DQX1: variants seen among roughly 807,000 people sequenced by gnomAD.
DQX1 encodes DEAQ-box RNA dependent ATPase 1, also known as ATP-dependent RNA helicase homolog DQX1.
DQX1 carries 66 observed loss-of-function variants against 81.3 expected under a neutral mutation model. That is an observed-to-expected ratio of 0.81 (90% confidence interval 0.67 to 1.00). The LOEUF (loss-of-function observed/expected upper bound fraction) is 1.00. DQX1 is among the 50% of genes least tolerant of loss of function. The pLI is 0.00. For missense variants in DQX1, 798 were observed against 867.9 expected, an observed-to-expected ratio of 0.92 and a Z score of 1.01; for synonymous variants, 290 against 350.0, an observed-to-expected ratio of 0.83 and a Z score of 1.91.
In DQX1 at chr2:74,522,577, T is replaced by C; in HGVS notation, c.1495+3A>G. ...GCTATGGATTTACAGCAGCGATTTA[T>C]ACCTGTGAGCATGGCAGCCAGGGTG... is the stretch of plus-strand genomic sequence containing the variant. On this transcript the variant is annotated splice_donor_region_variant and intron_variant, in intron 8 of 11. Transcript: ENST00000404568. 1 of 1,612,250 alleles carries C rather than the reference T, an allele frequency of 6.2e-7. No homozygotes were observed. The highest frequency in any genetic ancestry group is 8.5e-7 in the Non-Finnish European group (1 of 1,179,044).
rs1675143833 is a variant in DQX1, at chr2:74,525,288, C to T, written c.238-86G>A. ...CTCAGGGAACTATGGCCACTTTAAT[C>T]TTTCCTTATTTGGGGAGTCCCCTGG... On this transcript the variant is annotated intron_variant, in intron 2 of 11. Transcript: ENST00000404568. This position sits in a 1 kb window ranked among gnomAD's most constrained non-coding sequence, Gnocchi z 4.1. 1.4e-6 allele frequency: 2 copies of T among 1,403,242 alleles called. No homozygotes were observed. Among genetic ancestry groups the T allele is most frequent in the East Asian group, 2.5e-5 (1 of 39,780 alleles). 86.9% of individuals were successfully genotyped at this position (1,403,242 alleles called of 1,614,324 possible).
chr2:74,521,623 C>T (rs1404277261), intron 8 of DQX1, among the ~76,000 whole-genome samples: 1 of 150,770 alleles, frequency 6.6e-6, no homozygotes, highest in African/African-American at 2.4e-5. Flanking sequence ...GCACTCCAGC[C>T]TGGGTGACAG....
intron 10 of DQX1, 86 bp downstream of exon 10, chr2:74,519,470 A>G: frequency 6.6e-7 from 1 of 1,525,216 alleles, no homozygotes; most frequent in East Asian, 2.3e-5. Flanking sequence ...GGCCACCTGG[A>G]CCCTGATTTC....
In DQX1 at chr2:74,519,324, A is replaced by T. The variant is rs115009393; in HGVS notation, c.1807-94T>A. 335 of 1,396,516 alleles carry T rather than the reference A, an allele frequency of 2.4e-4. 3 individuals are homozygous for T. The African/African-American group carries it at 4.4e-3, about 19-fold the overall frequency. The allele number at this position is 1,396,516 out of a possible 1,614,324, so 86.5% of individuals were successfully genotyped here. On this transcript the variant is annotated intron_variant, in intron 10 of 11. Coordinates refer to ENST00000404568, the MANE Select transcript of DQX1 (RefSeq NM_133637.3). ...AGGGGATTGAGAAAGAGTAAGGGTGATGAGAGCATGAAAAGTAAAGCATTA... is the reference window on the plus strand; with the variant it reads ...AGGGGATTGAGAAAGAGTAAGGGTGTTGAGAGCATGAAAAGTAAAGCATTA...
rs1239191842 is a variant in DQX1 at position 74,524,297 on chromosome 2, C to A, written c.442G>T (p.Asp148Tyr). 1 of 1,610,680 alleles carries A rather than the reference C, an allele frequency of 6.2e-7. No homozygotes were observed. Among genetic ancestry groups the A allele is most frequent in the Non-Finnish European group, 8.5e-7 (1 of 1,179,040 alleles). ...GCCACCTCCTGCAGAAGCAGCCTGT[C>A]CCAGCAGAACCTGTTGACATTGGTA... is the stretch of plus-strand genomic sequence containing the variant. Reference protein sequence around the residue: ...GPNTLLRFCWDRLLLQEVAST... With the variant: ...GPNTLLRFCWYRLLLQEVAST... The change falls in exon 4 of 12, where the codon GAC becomes TAC. Residue 148 changes from aspartate to tyrosine, a missense_variant. Coordinates refer to ENST00000404568, the MANE Select transcript of DQX1 (RefSeq NM_133637.3).
At chr2:74,518,993 C>A in intron 11 of DQX1, 47 bp downstream of exon 11, 2 of 1,483,198 alleles carry the variant, frequency 1.3e-6, no homozygotes, top group Non-Finnish European at 1.8e-6. Context: ...TAATTTTGGC[C>A]CCAGGGAGAG....
Position 74,524,060 on chromosome 2 carries a change from C to T in DQX1, c.679G>A (p.Glu227Lys). The change falls in exon 4 of 12, where the codon GAG becomes AAG. Residue 227 changes from glutamate to lysine, a missense_variant. Physicochemically the swap from Glu to Lys is moderately conservative, Grantham distance 56. Transcript: ENST00000404568. The stretch of plus-strand genomic sequence containing the variant: ...ATGGGGGAAGGTCTCTCACCAGGCT[C>T]TCTGGGTATATGCACAATAGGAGGA... ...GNPPIVHIPR[E>K]PGERPSPIYW... 1.2e-6 allele frequency: 2 copies of T among 1,614,200 alleles called. No individual in the cohort carries two copies. The highest frequency in any genetic ancestry group is 1.7e-6 in the Non-Finnish European group (2 of 1,180,032).
intron 4 of DQX1, 131 bp downstream of exon 4, chr2:74,523,792 T>C: frequency 2.2e-6 from 3 of 1,342,912 alleles, no homozygotes; most frequent in Non-Finnish European, 3.0e-6. Flanking sequence ...GGAGAGTAAA[T>C]ACTGCAACTC....
At chr2:74,522,126 C>T (rs949124845) in intron 8 of DQX1, among the ~76,000 whole-genome samples, 4 of 152,094 alleles carry the variant, frequency 2.6e-5, no homozygotes, top group Admixed American at 1.3e-4. Flanking sequence ...CAAGGTGGAG[C>T]GGTCAGCAAT....
At chr2:74,519,294 A>G (rs1674966370) in intron 10 of DQX1, 64 bp from the exon 11 acceptor site, 1 of 1,491,050 alleles carries the variant, frequency 6.7e-7, no homozygotes, top group Non-Finnish European at 9.0e-7. Flanking sequence ...GTAGAAAAAA[A>G]TAAAAGGGGA....
At position 74,523,555 on chromosome 2, in the gene DQX1, T is replaced by G; in HGVS notation, c.817-18A>C. 7.8e-6 allele frequency: 12 copies of G among 1,536,830 alleles called. No individual in the cohort carries two copies. Among genetic ancestry groups the G allele is most frequent in the African/African-American group, 1.4e-5 (1 of 73,216 alleles). ...GAAATTTCCTGAGAAGAAGGGTGGG[T>G]GGGGCATTAGGGCAGTTCTCACGTT... On this transcript the variant is annotated intron_variant, in intron 4 of 11. Transcript: ENST00000404568.
rs1218921110 is a variant in DQX1 at position 74,519,590 on chromosome 2, A to C, written c.1772T>G (p.Leu591Arg). 6.2e-7 allele frequency: 1 copy of C among 1,614,176 alleles called. No individual in the cohort carries two copies. Among genetic ancestry groups the C allele is most frequent in the Non-Finnish European group, 8.5e-7 (1 of 1,180,042 alleles). ...AFGSEQNRRD[L>R]QKALVSGYFL... Reference sequence around the variant, plus strand: ...GTATCCTGACACCAGTGCTTTCTGAAGGTCTCTGCGATTCTGCTCAGAGCC... The same window carrying C: ...GTATCCTGACACCAGTGCTTTCTGACGGTCTCTGCGATTCTGCTCAGAGCC... Residue 591 changes from leucine (L) to arginine (R), a missense_variant, in exon 10 of 12, where the codon CTT becomes CGT. Leu to Arg is a moderately radical substitution (Grantham distance 102). Coordinates refer to ENST00000404568, the MANE Select transcript of DQX1 (RefSeq NM_133637.3).
chr2:74,518,235 A>G lies in DQX1; in HGVS notation c.*211T>C. ...TGTCAGTCCCTCTCCAATCAATAAG[A>G]GAAGGCTAAGGAAAGAGTCCTTCCC... is the stretch of plus-strand genomic sequence containing the variant. On this transcript the variant is annotated 3_prime_UTR_variant, in exon 12 of 12. Transcript: ENST00000404568. 3 of 527,134 alleles carry G rather than the reference A, an allele frequency of 5.7e-6. No individual in the cohort carries two copies. Among genetic ancestry groups the G allele is most frequent in the South Asian group, 7.1e-5 (2 of 28,162 alleles). The allele number at this position is 527,134 out of a possible 1,614,324, so 32.7% of individuals were successfully genotyped here. A position where few individuals can be genotyped will look rare whatever the true frequency, so the allele number is the denominator to read the frequency against.
At chr2:74,518,724 GTAGCCTTAGACTCCCGTAATCCT>G (rs1480121686) in intron 11 of DQX1, 122 bp from the exon 12 acceptor site, 7 of 968,714 alleles carry the variant, frequency 7.2e-6, no homozygotes, top group South Asian at 4.8e-5. Context: ...ATAACTCACT[GTAGCCTTAGACTCCCGTAATCCT>G]TAGCCTTAGA....
intron 8 of DQX1, among the ~76,000 whole-genome samples, chr2:74,521,904 A>C (rs1675039920): frequency 6.6e-6 from 1 of 152,154 alleles, no homozygotes; most frequent in Non-Finnish European, 1.5e-5. Context: ...TTTAAGGCTA[A>C]AGGTAGCACT....
At position 74,523,540 on chromosome 2, in the gene DQX1, G is replaced by A. The variant is rs752586868; in HGVS notation, c.817-3C>T. On this transcript the variant is annotated splice_polypyrimidine_tract_variant and splice_region_variant and intron_variant, in intron 4 of 11. Coordinates refer to ENST00000404568, the MANE Select transcript of DQX1 (RefSeq NM_133637.3). ...GATTCACAGCACAGGGAAATTTCCT[G>A]AGAAGAAGGGTGGGTGGGGCATTAG... 5 of 1,613,172 alleles carry A rather than the reference G, an allele frequency of 3.1e-6. No individual in the cohort carries two copies. Among genetic ancestry groups the A allele is most frequent in the Non-Finnish European group, 4.2e-6 (5 of 1,179,480 alleles).
At chr2:74,520,102 G>T in intron 8 of DQX1, 68 bp from the exon 9 acceptor site, 1 of 1,567,578 alleles carries the variant, frequency 6.4e-7, no homozygotes. Flanking sequence ...AGTACAGGTA[G>T]AATGCTGAAA....
chr2:74,524,891 A>G, intron 3 of DQX1, 118 bp downstream of exon 3: 1 of 1,300,022 alleles, frequency 7.7e-7, no homozygotes, highest in Non-Finnish European at 1.1e-6. Context: ...TCCAAAATAA[A>G]TAAAATAAAA....
rs537185464 is a variant in DQX1 at position 74,519,213 on chromosome 2, G to A, written c.1824C>T (p.Asp608=). The A allele has an allele frequency of 2.7e-5, 42 of 1,569,906 alleles. No individual in the cohort carries two copies. In the East Asian group the frequency reaches 5.9e-4, roughly 22 times the overall value. Residue 608 remains aspartate, a synonymous_variant, in exon 11 of 12, where the codon GAC becomes GAT. Transcript: ENST00000404568. ...TTAGGAGAAGGTAATTTCCAGTCCC[G>A]TCTGTGTCTCTGGCCACCTTATTGA... is the stretch of plus-strand genomic sequence containing the variant. ...GYFLKVARDT[D]GTGNYLLLTH...
Sources: allele counts gnomAD v4.1 joint callset (sites outside exome capture counted in the v4.1 genomes callset), GRCh38; gene constraint gnomAD v4.1.1; non-coding constraint Gnocchi (gnomAD v3.1); transcripts MANE v1.5; gene names NCBI Gene and HGNC (gene_info 2026-07-23, HGNC 2026-07-21).